Variants in SDK1 observed in about 807,000 individuals in gnomAD.
SDK1 encodes the protein sidekick cell adhesion molecule 1, also known as protein sidekick-1.
A neutral mutation model predicts 245.5 loss-of-function variants in SDK1; 157 were observed. The observed-to-expected ratio is 0.64, with a 90% CI of 0.56 to 0.73. The LOEUF is 0.73. Ranked by LOEUF, SDK1 falls within the 30% of genes least tolerant of loss-of-function variation. SDK1 has a pLI of 0.00. For missense variants in SDK1, 3,583 were observed against 3,002.3 expected (o/e 1.19, Z -4.52); for synonymous variants, 1,647 against 1,278.5 (o/e 1.29, Z -6.15).
chr7:3,335,907 A>G (rs1053278857), intron 1 of SDK1, among the ~76,000 whole-genome samples: 1 of 150,170 alleles, frequency 6.7e-6, no homozygotes, highest in Admixed American at 6.6e-5. Context: ...ACAAAGAAGC[A>G]TAGGAAGATG....
intron 38 of SDK1, among the ~76,000 whole-genome samples, chr7:4,212,454 T>C (rs1348409059): frequency 6.6e-6 from 1 of 152,128 alleles, no homozygotes; most frequent in African/African-American, 2.4e-5. Context: ...CGATGGACTT[T>C]GGTAAATAAC....
intron 28 of SDK1, among the ~76,000 whole-genome samples, chr7:4,141,815 G>C (rs184560448): frequency 2.0e-5 from 3 of 152,300 alleles, no homozygotes; most frequent in Admixed American, 1.3e-4. Flanking sequence ...GGAGTGCAGT[G>C]GCGTGATCTT....
chr7:3,974,288 T>C, intron 12 of SDK1, 81 bp from the exon 13 acceptor site: 1 of 1,236,548 alleles, frequency 8.1e-7, no homozygotes, highest in Non-Finnish European at 1.1e-6. Flanking sequence ...TGTTAGTTGC[T>C]TGCTTTTTAA....
At chr7:3,317,543 C>T (rs2128545771) in intron 1 of SDK1, among the ~76,000 whole-genome samples, 1 of 149,266 alleles carries the variant, frequency 6.7e-6, no homozygotes, top group South Asian at 2.2e-4. Flanking sequence ...GGGTGCCTGC[C>T]AGGAGGGCGC....
intron 33 of SDK1, among the ~76,000 whole-genome samples, chr7:4,175,457 G>A (rs1032902559): frequency 9.2e-5 from 14 of 152,230 alleles, no homozygotes; most frequent in African/African-American, 3.1e-4. Context: ...CGGGGTGACC[G>A]GGAGAAAAGG....
intron 17 of SDK1, among the ~76,000 whole-genome samples, chr7:4,022,231 C>G (rs78748650): frequency 6.6e-6 from 1 of 152,078 alleles, no homozygotes; most frequent in African/African-American, 2.4e-5. Context: ...AAAGAGAATT[C>G]GACAGCATGT....
chr7:3,931,163 A>G (rs903069677), intron 5 of SDK1, among the ~76,000 whole-genome samples: 2 of 152,222 alleles, frequency 1.3e-5, no homozygotes, highest in African/African-American at 4.8e-5. Flanking sequence ...GGGGCACCCC[A>G]TGGACGAGCA....
chr7:3,566,920 A>G (rs573204971), intron 1 of SDK1, among the ~76,000 whole-genome samples: 2 of 152,302 alleles, frequency 1.3e-5, no homozygotes, highest in South Asian at 2.1e-4. Flanking sequence ...GATGGTAGAT[A>G]CAAGTGGGGA....
intron 44 of SDK1, among the ~76,000 whole-genome samples, chr7:4,259,962 G>C (rs1190468857): frequency 6.6e-6 from 1 of 152,218 alleles, no homozygotes; most frequent in South Asian, 2.1e-4. Context: ...TGCATCATAG[G>C]ATCCTCAGCC....
At chr7:3,791,671 C>T (rs191573856) in intron 4 of SDK1, among the ~76,000 whole-genome samples, 4 of 152,302 alleles carry the variant, frequency 2.6e-5, no homozygotes, top group African/African-American at 9.6e-5. Flanking sequence ...GGTGCCCACT[C>T]AGCGGAATCC....
At chr7:4,034,187 G>T (rs10266101) in intron 17 of SDK1, among the ~76,000 whole-genome samples, 47,547 of 152,124 alleles carry the variant, frequency 0.31, 11,385 homozygotes, top group African/African-American at 0.68. Context: ...GAAATTGGAC[G>T]GCAGCCTCCA....
At chr7:3,676,140 A>AT (rs1470969269) in intron 4 of SDK1, among the ~76,000 whole-genome samples, 1 of 150,462 alleles carries the variant, frequency 6.6e-6, no homozygotes, top group Non-Finnish European at 1.5e-5. Flanking sequence ...TAAATTTTGT[A>AT]TTTTTTTGTG....
At chr7:4,073,022 A>G (rs1780358742) in intron 20 of SDK1, among the ~76,000 whole-genome samples, 1 of 152,218 alleles carries the variant, frequency 6.6e-6, no homozygotes, top group South Asian at 2.1e-4. Flanking sequence ...GATTGGATGC[A>G]CTGCTCTCTT....
rs79052026 is a variant in SDK1, at chr7:3,699,692, G to A, written c.713+57587G>A. Among the ~76,000 whole-genome samples, 848 of 152,262 alleles carry A rather than the reference G, an allele frequency of 5.6e-3. 8 individuals are homozygous for A. The highest frequency in any genetic ancestry group is 0.02 in the African/African-American group (815 of 41,558). The stretch of plus-strand genomic sequence containing the variant: ...TTGTATAGTCAGTATCCAAGAAGAA[G>A]AGAAAGAGGGTAGAGTTGAAGAATT... On this transcript the variant is annotated intron_variant, in intron 4 of 44. Transcript: ENST00000404826.
chr7:3,860,144 T>C (rs947845948), intron 5 of SDK1, among the ~76,000 whole-genome samples: 1 of 151,980 alleles, frequency 6.6e-6, no homozygotes, highest in Non-Finnish European at 1.5e-5. Flanking sequence ...ATGGTCTCAC[T>C]CTCCTGACCT....
intron 4 of SDK1, among the ~76,000 whole-genome samples, chr7:3,819,998 TGTG>T (rs923869954): frequency 5.3e-5 from 8 of 152,172 alleles, no homozygotes; most frequent in Non-Finnish European, 1.2e-4. Context: ...GTACCACAAT[TGTG>T]GTGGGTAACA....
intron 4 of SDK1, among the ~76,000 whole-genome samples, chr7:3,660,902 A>G (rs1467273709): frequency 6.6e-6 from 1 of 152,190 alleles, no homozygotes; most frequent in African/African-American, 2.4e-5. Flanking sequence ...TATCTGAGAG[A>G]TACATTATGT....
intron 1 of SDK1, among the ~76,000 whole-genome samples, chr7:3,378,939 G>T (rs945601046): frequency 3.3e-5 from 5 of 151,944 alleles, no homozygotes; most frequent in African/African-American, 9.7e-5. Flanking sequence ...CCCCTTCCCC[G>T]GAGCAGACCC....
intron 1 of SDK1, among the ~76,000 whole-genome samples, chr7:3,597,693 G>C (rs1431276859): frequency 1.3e-5 from 2 of 152,150 alleles, no homozygotes; most frequent in African/African-American, 4.8e-5. Context: ...CGGGGCCTAG[G>C]GGAGAGGGGC....
Sources: gnomAD v4.1 joint callset for allele counts (sites outside exome capture counted in the v4.1 genomes callset) on GRCh38, gnomAD v4.1.1 for gene constraint, MANE v1.5 for transcripts, NCBI Gene and HGNC (gene_info 2026-07-23, HGNC 2026-07-21) for gene names.